The following SLC38A4 variants were observed in gnomAD, a reference collection of about 807,000 sequenced individuals.
SLC38A4 encodes the protein solute carrier family 38 member 4, also known as sodium-coupled neutral amino acid transporter 4.
In SLC38A4, 20 loss-of-function variants were observed where a neutral mutation model predicts 63.1. The ratio of observed to expected loss-of-function variants is 0.32; its 90% CI spans 0.22 to 0.46. SLC38A4 has a LOEUF of 0.46. Among genes scored for constraint, SLC38A4 ranks in the 20% least tolerant of loss-of-function variants. The pLI, the probability that SLC38A4 is intolerant of heterozygous loss-of-function variation, is 1.00. For missense variants in SLC38A4, 526 were observed against 663.6 expected (o/e 0.79, Z 2.28); for synonymous variants, 230 against 225.5 (o/e 1.02, Z -0.18).
chr12:46,806,049 C>T (rs1939224403), intron 1 of SLC38A4, among the ~76,000 whole-genome samples: 1 of 151,524 alleles, frequency 6.6e-6, no homozygotes, highest in African/African-American at 2.4e-5. Flanking sequence ...TCAGAGAGCC[C>T]ACAGACCTTG....
rs1333979324 is a variant in SLC38A4, at chr12:46,765,101, A to AT, written c.*1599dup. Reference sequence around the variant, plus strand: ...ATATCCTAAAGATGCTATTTGGCAGATTTTTTTCAAATAATAGTAGCTCAA... The same window carrying AT: ...ATATCCTAAAGATGCTATTTGGCAGATTTTTTTTCAAATAATAGTAGCTCAA... On this transcript the variant is annotated 3_prime_UTR_variant, in exon 17 of 17. Coordinates refer to ENST00000266579, the MANE Select transcript of SLC38A4 (RefSeq NM_018018.5). 2 of 152,568 alleles carry AT rather than the reference A, an allele frequency of 1.3e-5. No homozygotes were observed. The highest frequency in any genetic ancestry group is 4.8e-5 in the African/African-American group (2 of 41,444). The allele number at this position is 152,568 out of a possible 1,614,324, so 9.5% of individuals were successfully genotyped here. A position where few individuals can be genotyped will look rare whatever the true frequency, so the allele number is the denominator to read the frequency against.
intron 1 of SLC38A4, among the ~76,000 whole-genome samples, chr12:46,814,283 G>A (rs531813314): frequency 6.6e-6 from 1 of 152,020 alleles, no homozygotes; most frequent in South Asian, 2.1e-4. Context: ...TGAAAAATGT[G>A]AGGATTTGAC....
At chr12:46,815,379 C>G (rs894435239) in intron 1 of SLC38A4, among the ~76,000 whole-genome samples, 2 of 149,780 alleles carry the variant, frequency 1.3e-5, no homozygotes, top group African/African-American at 4.9e-5. Flanking sequence ...TAAATTAAGA[C>G]CACTTTTTGC....
At chr12:46,786,505 A>C (rs970656436) in intron 5 of SLC38A4, among the ~76,000 whole-genome samples, 1 of 152,120 alleles carries the variant, frequency 6.6e-6, no homozygotes, top group Non-Finnish European at 1.5e-5. Flanking sequence ...GATTGGGGGA[A>C]GTTTTTCCTA....
chr12:46,796,356 G>A (rs1489061665), intron 2 of SLC38A4, among the ~76,000 whole-genome samples: 2 of 151,930 alleles, frequency 1.3e-5, no homozygotes, highest in African/African-American at 2.4e-5. Context: ...TAAATTATAC[G>A]TTTCTTCTGA....
intron 2 of SLC38A4, among the ~76,000 whole-genome samples, chr12:46,797,459 G>C (rs1939036861): frequency 6.6e-6 from 1 of 152,082 alleles, no homozygotes; most frequent in African/African-American, 2.4e-5. Flanking sequence ...CTGCTTCCCA[G>C]ACCTCGTAAT....
At position 46,771,752 on chromosome 12, in the gene SLC38A4, T is replaced by G. The variant is rs112601678; in HGVS notation, c.1300-2324A>C. The stretch of plus-strand genomic sequence containing the variant: ...GTCATTCCATGTTAAAGTGCCTCCC[T>G]GAGTAGTGAGCCTAGGACCAAAAGC... On this transcript the variant is annotated intron_variant, in intron 14 of 16. Coordinates refer to ENST00000266579, the MANE Select transcript of SLC38A4 (RefSeq NM_018018.5). 1.4e-4 allele frequency among the ~76,000 whole-genome samples: 22 copies of G among 152,204 alleles called. 2 individuals carry two copies. The highest frequency in any genetic ancestry group is 4.6e-4 in the African/African-American group (19 of 41,558).
At chr12:46,778,862 G>C in intron 10 of SLC38A4, 86 bp from the exon 11 acceptor site, 1 of 1,268,964 alleles carries the variant, frequency 7.9e-7, no homozygotes, top group Non-Finnish European at 1.1e-6. Context: ...GGCTTATAGG[G>C]TGGGGGGTGA....
intron 1 of SLC38A4, among the ~76,000 whole-genome samples, chr12:46,820,417 G>A (rs2120918883): frequency 6.6e-6 from 1 of 152,064 alleles, no homozygotes; most frequent in Middle Eastern, 3.4e-3. Context: ...TATAATTGGA[G>A]TCATGCAGGA....
intron 1 of SLC38A4, among the ~76,000 whole-genome samples, chr12:46,822,411 G>A (rs1255559435): frequency 6.6e-6 from 1 of 152,026 alleles, no homozygotes. Flanking sequence ...AGGCATAAAG[G>A]GACCCTACCC....
chr12:46,767,484 C>A (rs1938325303), intron 16 of SLC38A4, among the ~76,000 whole-genome samples: 1 of 151,962 alleles, frequency 6.6e-6, no homozygotes, highest in African/African-American at 2.4e-5. Context: ...ACAAACAGGA[C>A]AAGTAATTTG....
At chr12:46,799,987 T>G (rs1939096735) in intron 2 of SLC38A4, among the ~76,000 whole-genome samples, 1 of 152,138 alleles carries the variant, frequency 6.6e-6, no homozygotes, top group Non-Finnish European at 1.5e-5. Flanking sequence ...AAATGTGCAT[T>G]GAATTAATCA....
At chr12:46,784,200 C>T (rs950031598) in intron 7 of SLC38A4, among the ~76,000 whole-genome samples, 1 of 152,014 alleles carries the variant, frequency 6.6e-6, no homozygotes, top group Non-Finnish European at 1.5e-5. Context: ...ACATAGAAAA[C>T]GTCAACTGTT....
intron 7 of SLC38A4, among the ~76,000 whole-genome samples, chr12:46,782,356 A>T (rs896748019): frequency 1.3e-5 from 2 of 152,076 alleles, no homozygotes; most frequent in Non-Finnish European, 2.9e-5. Context: ...ATTATGGCAC[A>T]TTTGTGTAAT....
At chr12:46,784,515 G>A (rs1161594107) in intron 7 of SLC38A4, 27 bp downstream of exon 7, 3 of 1,557,868 alleles carry the variant, frequency 1.9e-6, no homozygotes, top group Admixed American at 1.7e-5. Context: ...AAGTTTATGG[G>A]ATCCATTGAA....
chr12:46,795,987 T>TA (rs1291011018), intron 2 of SLC38A4, among the ~76,000 whole-genome samples: 4 of 152,076 alleles, frequency 2.6e-5, no homozygotes, highest in South Asian at 4.1e-4. Flanking sequence ...TTCTACTATT[T>TA]AAAAAAACTA....
chr12:46,812,027 TAAGTG>T (rs1329865685), intron 1 of SLC38A4, among the ~76,000 whole-genome samples: 1 of 152,080 alleles, frequency 6.6e-6, no homozygotes, highest in Non-Finnish European at 1.5e-5. Context: ...AAAATCCACC[TAAGTG>T]AAGATCAATG....
In SLC38A4 at chr12:46,775,127, T is replaced by C; in HGVS notation, c.1221A>G (p.Thr407=). 1 of 1,612,746 alleles carries C rather than the reference T, an allele frequency of 6.2e-7. No individual in the cohort carries two copies. Among genetic ancestry groups the C allele is most frequent in the Non-Finnish European group, 8.5e-7 (1 of 1,179,108 alleles). ...GAACCATGAGAAGAGGGATGTCTAA[T>C]GTATACACTTTGCTGTAGGCATGAA... ...ELLHAYSKVY[T]LDIPLLMVRL... The change falls in exon 14 of 17, where the codon ACA becomes ACG. Residue 407 remains threonine, a synonymous_variant. Coordinates refer to ENST00000266579, the MANE Select transcript of SLC38A4 (RefSeq NM_018018.5).
upstream of SLC38A4, among the ~76,000 whole-genome samples, chr12:46,830,406 C>T (rs905812468): frequency 1.3e-5 from 2 of 151,686 alleles, no homozygotes; most frequent in African/African-American, 2.4e-5. Context: ...GTGGGAACAA[C>T]AACAAAATAC....
Sources: allele counts gnomAD v4.1 joint callset (sites outside exome capture counted in the v4.1 genomes callset), GRCh38; gene constraint gnomAD v4.1.1; transcripts MANE v1.5; gene names NCBI Gene and HGNC (gene_info 2026-07-23, HGNC 2026-07-21).